The following NCAPG2 variants were observed in gnomAD, a reference collection of about 807,000 sequenced individuals.
NCAPG2 encodes the protein condensin-2 complex subunit G2.
In NCAPG2, 53 loss-of-function variants were observed where a neutral mutation model predicts 141.1. The observed-to-expected ratio is 0.38, with a 90% CI of 0.30 to 0.47. The LOEUF is 0.47. NCAPG2 is among the 20% of genes least tolerant of loss of function. NCAPG2 has a pLI of 0.99. For synonymous variants in NCAPG2, 499 were observed against 490.7 expected (o/e 1.02, Z -0.22); for missense variants, 1,087 against 1,389.0 (o/e 0.78, Z 3.46).
At chr7:158,683,443 T>A in intron 8 of NCAPG2, 57 bp from the exon 9 acceptor site, 1 of 1,292,842 alleles carries the variant, frequency 7.7e-7, no homozygotes, top group Non-Finnish European at 1.1e-6. Flanking sequence ...ACTGACGACC[T>A]GACAAGCAGT....
At chr7:158,652,157 G>A (rs1040277189) in intron 23 of NCAPG2, 136 bp downstream of exon 23, 18 of 848,836 alleles carry the variant, frequency 2.1e-5, no homozygotes, top group East Asian at 2.1e-4. Context: ...AGTGCACCTC[G>A]CCAGCAGGGA....
chr7:158,681,549 C>T (rs1465412019), intron 9 of NCAPG2, among the ~76,000 whole-genome samples: 2 of 152,198 alleles, frequency 1.3e-5, no homozygotes, highest in East Asian at 1.9e-4. Context: ...GAACAGCCTA[C>T]ACTTTAAGTG....
At position 158,633,029 on chromosome 7, in the gene NCAPG2, A is replaced by C. The variant is rs1829984374; in HGVS notation, c.3381-1312T>G. Among the ~76,000 whole-genome samples, 1 of 152,140 alleles carries C rather than the reference A, an allele frequency of 6.6e-6. No homozygotes were observed. Among genetic ancestry groups the C allele is most frequent in the African/African-American group, 2.4e-5 (1 of 41,408 alleles). ...TTTAAGATTTTCTCTTTATTCCTGG[A>C]ATTTAGGAATCTTATCCATAATTAT... On this transcript the variant is annotated intron_variant, in intron 27 of 27. Coordinates refer to ENST00000356309, the MANE Select transcript of NCAPG2 (RefSeq NM_017760.7). This position sits in a 1 kb window ranked among gnomAD's most constrained non-coding sequence, Gnocchi z 4.1.
At chr7:158,645,673 A>G (rs1587079601) in intron 25 of NCAPG2, 54 bp from the exon 26 acceptor site, 2 of 1,499,124 alleles carry the variant, frequency 1.3e-6, no homozygotes, top group Non-Finnish European at 9.2e-7. Context: ...ACCCTAATAC[A>G]TTATAGCAGA....
At position 158,636,305 on chromosome 7, in the gene NCAPG2, G is replaced by T. The variant is rs903238955; in HGVS notation, c.3381-4588C>A. Among the ~76,000 whole-genome samples, 3 of 152,034 alleles carry T rather than the reference G, an allele frequency of 2.0e-5. No homozygotes were observed. In the East Asian group the frequency reaches 5.8e-4, roughly 29 times the overall value. ...TAAGTGGAAATGGAAGGCATTCCTA[G>T]TGAGAAACCAATGTTCCTCTTCCCT... On this transcript the variant is annotated intron_variant, in intron 27 of 27. Coordinates refer to ENST00000356309, the MANE Select transcript of NCAPG2 (RefSeq NM_017760.7).
chr7:158,668,353 TCCGCCC>T, intron 13 of NCAPG2: 1 of 971,230 alleles, frequency 1.0e-6, no homozygotes, highest in African/African-American at 2.0e-5. Context: ...ACTGGGTCCC[TCCGCCC>T]TCCTTACCCA....
intron 11 of NCAPG2, among the ~76,000 whole-genome samples, chr7:158,678,669 C>T (rs1834252206): frequency 6.9e-6 from 1 of 145,604 alleles, no homozygotes; most frequent in South Asian, 2.1e-4. Context: ...GGCTGGGAGA[C>T]AGAGCACGAC....
At chr7:158,698,861 C>A (rs977092416) in intron 2 of NCAPG2, among the ~76,000 whole-genome samples, 2 of 151,524 alleles carry the variant, frequency 1.3e-5, no homozygotes, top group East Asian at 3.9e-4. Flanking sequence ...TCATAGCTCA[C>A]TGTAGCCTCA....
chr7:158,703,187 A>G (rs1397106524), intron 1 of NCAPG2, among the ~76,000 whole-genome samples: 1 of 152,198 alleles, frequency 6.6e-6, no homozygotes, highest in East Asian at 1.9e-4. Flanking sequence ...TCCCTCTTTA[A>G]ATCAAGCATG....
chr7:158,637,222 T>A (rs996195995), intron 27 of NCAPG2, among the ~76,000 whole-genome samples: 1 of 151,796 alleles, frequency 6.6e-6, no homozygotes, highest in African/African-American at 2.4e-5. Context: ...GCTGAGAGGG[T>A]TTCTTCTTAA....
intron 17 of NCAPG2, 104 bp downstream of exon 17, chr7:158,658,234 A>G: frequency 9.6e-7 from 1 of 1,038,596 alleles, no homozygotes; most frequent in Non-Finnish European, 1.3e-6. Context: ...GGCCACAGTG[A>G]GCTGAAAGCT....
intron 5 of NCAPG2, 29 bp downstream of exon 5, chr7:158,690,539 G>C (rs1324789423): frequency 1.2e-6 from 2 of 1,601,128 alleles, no homozygotes; most frequent in Admixed American, 1.7e-5. Flanking sequence ...GAGAGACCCT[G>C]TCTTTAAAAA....
chr7:158,692,782 C>CA, intron 4 of NCAPG2, 60 bp downstream of exon 4: 2 of 1,022,854 alleles, frequency 2.0e-6, no homozygotes, highest in Non-Finnish European at 3.0e-6. Context: ...AAAACAGAAA[C>CA]AAAAACAAGT....
At chr7:158,676,882 A>G (rs1042007523) in intron 11 of NCAPG2, among the ~76,000 whole-genome samples, 2 of 152,200 alleles carry the variant, frequency 1.3e-5, no homozygotes, top group Non-Finnish European at 2.9e-5. Context: ...AGACTGAGAA[A>G]TTTCTGTAAG....
rs578028573 is a variant in NCAPG2, at chr7:158,692,947, T to G, written c.277A>C (p.Ile93Leu). The change falls in exon 4 of 28, where the codon ATA becomes CTA. Residue 93 changes from isoleucine (I) to leucine (L), a missense_variant. Ile to Leu is a conservative substitution (Grantham distance 5, BLOSUM62 2). Transcript: ENST00000356309. ...GATGTAATTGCATAAATTATTTCTA[T>G]GCTTTTTCTCTATAAATGAAAAATC... Reference protein sequence around the residue: ...TEHGSKMRKSIEIIYAITSVI... With the variant: ...TEHGSKMRKSLEIIYAITSVI... The G allele has an allele frequency of 1.3e-6, 2 of 1,543,498 alleles. No homozygotes were observed. The highest frequency in any genetic ancestry group is 1.8e-6 in the Non-Finnish European group (2 of 1,129,120).
chr7:158,666,552 C>A (rs1832953472), intron 13 of NCAPG2, among the ~76,000 whole-genome samples: 1 of 151,288 alleles, frequency 6.6e-6, no homozygotes, highest in East Asian at 1.9e-4. Flanking sequence ...GCACTTTTAT[C>A]TAGTCTGCCA....
At chr7:158,703,239 G>A (rs1009010314) in intron 1 of NCAPG2, among the ~76,000 whole-genome samples, 1 of 152,184 alleles carries the variant, frequency 6.6e-6, no homozygotes, top group African/African-American at 2.4e-5. Context: ...GGGAGGGAAG[G>A]GAGAGTGGCC....
At chr7:158,637,390 C>T (rs555522654) in intron 27 of NCAPG2, among the ~76,000 whole-genome samples, 23 of 151,936 alleles carry the variant, frequency 1.5e-4, no homozygotes, top group African/African-American at 4.3e-4. Context: ...GTCCCATCAC[C>T]GTGGGGTGCT....
rs373433990 is a variant in NCAPG2, at chr7:158,690,089, AAC to A, written c.538-138_538-137del. On this transcript the variant is annotated intron_variant, in intron 5 of 27. Transcript: ENST00000356309. ...AGATTAAAAAATAACGACAAATAAA[AAC>A]AGATTTTAAAATTTGCAAATGCCCC... 1.9e-3 allele frequency: 1,787 copies of A among 959,340 alleles called. 9 individuals carry two copies. The highest frequency in any genetic ancestry group is 0.011 in the African/African-American group (620 of 58,196). 59.4% of individuals were successfully genotyped at this position (959,340 alleles called of 1,614,324 possible). A position where few individuals can be genotyped will look rare whatever the true frequency, so the allele number is the denominator to read the frequency against.
Sources: gnomAD v4.1 joint callset for allele counts (sites outside exome capture counted in the v4.1 genomes callset) on GRCh38, gnomAD v4.1.1 for gene constraint, Gnocchi (gnomAD v3.1) non-coding constraint, MANE v1.5 for transcripts, NCBI Gene and HGNC (gene_info 2026-07-23, HGNC 2026-07-21) for gene names.